The following SLC5A12 variants were observed in gnomAD, a reference collection of about 807,000 sequenced individuals.
SLC5A12 encodes solute carrier family 5 member 12, also known as sodium-coupled monocarboxylate transporter 2.
Under a neutral mutation model 72.7 loss-of-function variants are expected in SLC5A12, and 46 were observed. The observed-to-expected ratio is 0.63, with a 90% CI of 0.50 to 0.81. SLC5A12 has a LOEUF of 0.81. Among genes scored for constraint, SLC5A12 ranks in the 30% least tolerant of loss-of-function variants. SLC5A12 has a pLI of 0.00. For missense variants in SLC5A12, 683 were observed against 740.7 expected, an observed-to-expected ratio of 0.92 and a Z score of 0.90; for synonymous variants, 275 against 264.4, an observed-to-expected ratio of 1.04 and a Z score of -0.39.
At chr11:26,707,255 T>C (rs1855111766) in intron 4 of SLC5A12, among the ~76,000 whole-genome samples, 1 of 152,062 alleles carries the variant, frequency 6.6e-6, no homozygotes, top group Non-Finnish European at 1.5e-5. Flanking sequence ...CCATTTGTAT[T>C]TGCTGTTCTA....
chr11:26,690,249 T>C (rs1481998360), intron 9 of SLC5A12, among the ~76,000 whole-genome samples: 1 of 151,932 alleles, frequency 6.6e-6, no homozygotes, highest in African/African-American at 2.4e-5. Flanking sequence ...ATAGCCAAAA[T>C]TTTTTTGTAA....
At position 26,722,002 on chromosome 11, in the gene SLC5A12, T is replaced by G. The variant is rs1855493498; in HGVS notation, c.-288A>C. The G allele has an allele frequency of 5.2e-6, 2 of 382,788 alleles. No individual in the cohort carries two copies. The highest frequency in any genetic ancestry group is 9.4e-6 in the Non-Finnish European group (2 of 212,348). 23.7% of individuals were successfully genotyped at this position (382,788 alleles called of 1,614,324 possible). A position where few individuals can be genotyped will look rare whatever the true frequency, so the allele number is the denominator to read the frequency against. On this transcript the variant is annotated 5_prime_UTR_variant, in exon 1 of 15. An upstream start codon of the reference 5' UTR is lost. Coordinates refer to ENST00000396005, the MANE Select transcript of SLC5A12 (RefSeq NM_178498.4). ...AGCTGTCTGCTCCTCTCCTAAAGCA[T>G]ATGCCACAGAGAAGGAATTCAGATG...
chr11:26,690,544 C>T (rs1208883338), intron 9 of SLC5A12, among the ~76,000 whole-genome samples: 1 of 150,878 alleles, frequency 6.6e-6, no homozygotes, highest in Non-Finnish European at 1.5e-5. Flanking sequence ...GGCGCAGTGG[C>T]TCACACCTGT....
At chr11:26,692,650 G>A (rs1854711009) in intron 8 of SLC5A12, 49 bp from the exon 9 acceptor site, 4 of 1,339,600 alleles carry the variant, frequency 3.0e-6, no homozygotes, top group African/African-American at 2.9e-5. Context: ...ATAAGGCGGA[G>A]CTACCAGCCT....
rs1854043892 is a variant in SLC5A12, at chr11:26,668,187, G to A, written c.*2915C>T. On this transcript the variant is annotated 3_prime_UTR_variant, in exon 15 of 15. Transcript: ENST00000396005. ...TTCCTCACCTCAATCATAAGCTGTT[G>A]TAGTTCTTATTCCAAATGGTGACAA... 6.6e-6 allele frequency: 1 copy of A among 151,948 alleles called. No homozygotes were observed. The highest frequency in any genetic ancestry group is 1.5e-5 in the Non-Finnish European group (1 of 67,980). The allele number at this position is 151,948 out of a possible 1,614,324, so 9.4% of individuals were successfully genotyped here. A position where few individuals can be genotyped will look rare whatever the true frequency, so the allele number is the denominator to read the frequency against.
At chr11:26,705,925 TACACACACACAC>T (rs71047876) in intron 4 of SLC5A12, among the ~76,000 whole-genome samples, 7,001 of 129,646 alleles carry the variant, frequency 0.054, 385 homozygotes, top group African/African-American at 0.13. Context: ...TTCTCTGTCA[TACACACACACAC>T]ACACACACAC....
At chr11:26,680,416 C>T (rs1854384024) in intron 12 of SLC5A12, among the ~76,000 whole-genome samples, 1 of 101,956 alleles carries the variant, frequency 9.8e-6, no homozygotes, top group Admixed American at 1.2e-4. Flanking sequence ...TATATTTCCT[C>T]ATTTTTCCAT....
intron 12 of SLC5A12, 89 bp downstream of exon 12, chr11:26,680,966 C>T (rs1854397925): frequency 1.7e-6 from 2 of 1,206,374 alleles, no homozygotes; most frequent in Non-Finnish European, 2.2e-6. Flanking sequence ...CAAGATATGT[C>T]TCATCACACT....
intron 4 of SLC5A12, among the ~76,000 whole-genome samples, chr11:26,706,630 C>A (rs1855095519): frequency 6.6e-6 from 1 of 151,672 alleles, no homozygotes; most frequent in Admixed American, 6.6e-5. Context: ...AATGGGTCCC[C>A]TTGAAATTTT....
At chr11:26,709,216 C>T (rs892826654) in intron 4 of SLC5A12, 96 bp downstream of exon 4, 21 of 840,688 alleles carry the variant, frequency 2.5e-5, no homozygotes, top group Admixed American at 7.4e-5. Flanking sequence ...TTTGGAATAA[C>T]GAATTCTGCT....
intron 13 of SLC5A12, among the ~76,000 whole-genome samples, chr11:26,673,997 C>T (rs1249536955): frequency 6.6e-6 from 1 of 152,050 alleles, no homozygotes; most frequent in East Asian, 1.9e-4. Context: ...AAGCAATACC[C>T]TCATGTTCCT....
intron 4 of SLC5A12, among the ~76,000 whole-genome samples, chr11:26,706,909 A>C (rs1855103403): frequency 6.6e-6 from 1 of 151,450 alleles, no homozygotes; most frequent in Admixed American, 6.6e-5. Flanking sequence ...TTCATACCAA[A>C]AATAGTTTAA....
chr11:26,674,191 T>TTTTTTTTTTTTG (rs1854211071), intron 13 of SLC5A12, among the ~76,000 whole-genome samples: 1 of 152,046 alleles, frequency 6.6e-6, no homozygotes, highest in African/African-American at 2.4e-5. Flanking sequence ...ATGCAAATTT[T>TTTTTTTTTTTTG]AAGTCATAAA....
intron 4 of SLC5A12, among the ~76,000 whole-genome samples, chr11:26,704,732 C>A (rs1424272222): frequency 6.6e-6 from 1 of 152,034 alleles, no homozygotes; most frequent in Non-Finnish European, 1.5e-5. Flanking sequence ...GTAAAATCAA[C>A]ATAACTTAGG....
chr11:26,705,016 A>G (rs1430460527), intron 4 of SLC5A12, among the ~76,000 whole-genome samples: 1 of 152,086 alleles, frequency 6.6e-6, no homozygotes, highest in Non-Finnish European at 1.5e-5. Context: ...TTTAGGATAC[A>G]ATGATTAGGC....
rs746282286 is a variant in SLC5A12 at position 26,671,257 on chromosome 11, G to C, written c.1708-6C>G. ...CTGCCATTCTCAAGGTTTTCCTGAG[G>C]GAAATACAAAGACACATATTAGCAA... On this transcript the variant is annotated splice_region_variant and splice_polypyrimidine_tract_variant and intron_variant, in intron 14 of 14. Coordinates refer to ENST00000396005, the MANE Select transcript of SLC5A12 (RefSeq NM_178498.4). 4.0e-5 allele frequency: 64 copies of C among 1,587,866 alleles called. No individual in the cohort carries two copies. The South Asian group carries it at 7.0e-4, about 17-fold the overall frequency.
chr11:26,703,878 C>T lies in SLC5A12; in HGVS notation c.595G>A (p.Val199Ile). Residue 199 changes from valine (V) to isoleucine (I), a missense_variant, in exon 5 of 15, where the codon GTT becomes ATT. Val to Ile is a conservative substitution (Grantham distance 29). Transcript: ENST00000396005. ...GCATGAGTTGATCCTTGAATGAGAA[C>T]CGTTAAGAAGCCCACAATCATGACA... is the stretch of plus-strand genomic sequence containing the variant. Reference protein sequence around the residue: ...MVVMIVGFLTVLIQGSTHAGG... With the variant: ...MVVMIVGFLTILIQGSTHAGG... 1 of 1,613,896 alleles carries T rather than the reference C, an allele frequency of 6.2e-7. No individual in the cohort carries two copies.
chr11:26,699,277 G>A (rs1477492121), intron 6 of SLC5A12, among the ~76,000 whole-genome samples: 1 of 152,222 alleles, frequency 6.6e-6, no homozygotes, highest in Non-Finnish European at 1.5e-5. Context: ...CAACCTCACT[G>A]TGGAGATGGC....
At chr11:26,702,130 T>C (rs1854971593) in intron 6 of SLC5A12, among the ~76,000 whole-genome samples, 1 of 152,206 alleles carries the variant, frequency 6.6e-6, no homozygotes, top group Non-Finnish European at 1.5e-5. Context: ...AATGAAATTT[T>C]CGGATCAAAG....
Sources: allele counts gnomAD v4.1 joint callset (sites outside exome capture counted in the v4.1 genomes callset), GRCh38; gene constraint gnomAD v4.1.1; transcripts MANE v1.5; gene names NCBI Gene and HGNC (gene_info 2026-07-23, HGNC 2026-07-21).